The following UBE2O variants were observed in gnomAD, a reference collection of about 807,000 sequenced individuals.
The protein encoded by UBE2O is ubiquitin conjugating enzyme E2 O, also known as (E3-independent) E2 ubiquitin-conjugating enzyme.
A neutral mutation model predicts 125.8 loss-of-function variants in UBE2O; 15 were observed. The observed-to-expected ratio is 0.12, with a 90% CI of 0.08 to 0.18. The LOEUF is 0.18. Ranked by LOEUF, UBE2O falls within the 10% of genes least tolerant of loss-of-function variation. The probability of loss-of-function intolerance (pLI) is 1.00; values close to 1 mark genes in which losing one functional copy is unlikely to be tolerated. For missense variants in UBE2O, 1,280 were observed against 1,723.6 expected (o/e 0.74, Z 4.56); for synonymous variants, 708 against 703.2 (o/e 1.01, Z -0.11).
At chr17:76,408,235 G>A (rs901002286) in intron 1 of UBE2O, among the ~76,000 whole-genome samples, 3 of 152,186 alleles carry the variant, frequency 2.0e-5, no homozygotes, top group Admixed American at 2.0e-4. Context: ...GGAAGGAACC[G>A]ACGTGCTCCT....
intron 1 of UBE2O, among the ~76,000 whole-genome samples, chr17:76,419,862 C>T (rs572445915): frequency 1.2e-4 from 18 of 152,328 alleles, no homozygotes; most frequent in African/African-American, 3.8e-4. Context: ...TCTACCCACG[C>T]GGAAACCTCA....
At chr17:76,433,431 T>G in intron 1 of UBE2O, among the ~76,000 whole-genome samples, 1 of 144,710 alleles carries the variant, frequency 6.9e-6, no homozygotes, top group Non-Finnish European at 1.5e-5. Flanking sequence ...TTGGGAGGGG[T>G]GCAGGGAAAT....
At chr17:76,434,229 T>C (rs901261085) in intron 1 of UBE2O, among the ~76,000 whole-genome samples, 3 of 152,082 alleles carry the variant, frequency 2.0e-5, no homozygotes, top group African/African-American at 7.2e-5. Context: ...TAGACATACA[T>C]GGAAACCCAG....
intron 1 of UBE2O, among the ~76,000 whole-genome samples, chr17:76,441,477 C>T (rs566601959): frequency 8.5e-5 from 13 of 152,228 alleles, no homozygotes; most frequent in South Asian, 8.3e-4. Flanking sequence ...GGACAATTCC[C>T]GGTTCATTAA....
At chr17:76,442,204 G>A (rs748568657) in intron 1 of UBE2O, among the ~76,000 whole-genome samples, 10 of 152,168 alleles carry the variant, frequency 6.6e-5, no homozygotes, top group Non-Finnish European at 1.5e-4. Context: ...AGCCCGCGAC[G>A]GAAGTTGCCA....
chr17:76,398,709 T>C lies in UBE2O; in HGVS notation c.1784-125A>G, dbSNP rs1598584860. 6.9e-7 allele frequency: 1 copy of C among 1,457,934 alleles called. No individual in the cohort carries two copies. Among genetic ancestry groups the C allele is most frequent in the Non-Finnish European group, 9.4e-7 (1 of 1,059,882 alleles). 90.3% of individuals were successfully genotyped at this position (1,457,934 alleles called of 1,614,324 possible). ...TCTTGGAAGTGGTGAGACCCCTTCA[T>C]GAGGGCAGTCCCCTTCTGGACCTCA... On this transcript the variant is annotated intron_variant, in intron 10 of 17. Coordinates refer to ENST00000319380, the MANE Select transcript of UBE2O (RefSeq NM_022066.4). The surrounding 1 kb of genome is among the most constrained non-coding windows in gnomAD (Gnocchi z 5.4).
In UBE2O at chr17:76,400,028, G is replaced by A. The variant is rs759024133; in HGVS notation, c.1156-107C>T. On this transcript the variant is annotated intron_variant, in intron 8 of 17. Coordinates refer to ENST00000319380, the MANE Select transcript of UBE2O (RefSeq NM_022066.4). The surrounding 1 kb of genome is among the most constrained non-coding windows in gnomAD (Gnocchi z 4.3). ...GACAGCTGTATACACCTGAGTAGCC[G>A]GCAAGGGTCATCAGGGCTGCCCCCC... 2.7e-5 allele frequency: 41 copies of A among 1,522,470 alleles called. No homozygotes were observed. Among genetic ancestry groups the A allele is most frequent in the South Asian group, 9.0e-5 (7 of 78,132 alleles). 94.3% of individuals were successfully genotyped at this position (1,522,470 alleles called of 1,614,324 possible).
In UBE2O at chr17:76,444,375, G is replaced by A. The variant is rs372959759; in HGVS notation, c.417+8350C>T. 1.4e-4 allele frequency among the ~76,000 whole-genome samples: 21 copies of A among 152,280 alleles called. No individual in the cohort carries two copies. In the South Asian group the frequency reaches 4.4e-3, roughly 32 times the overall value. On this transcript the variant is annotated intron_variant, in intron 1 of 17. Transcript: ENST00000319380. ...ACCAGCCTGGCCAATACCATGGTGA[G>A]ACCCTGTTTCTACAAAAATATTTTA...
At chr17:76,450,699 G>A (rs1004704839) in intron 1 of UBE2O, among the ~76,000 whole-genome samples, 1 of 151,770 alleles carries the variant, frequency 6.6e-6, no homozygotes, top group African/African-American at 2.4e-5. Flanking sequence ...TCAGCTCACC[G>A]CAACCTCCGC....
At position 76,405,080 on chromosome 17, in the gene UBE2O, G is replaced by T; in HGVS notation, c.588+126C>A. ...GCTACAGGAGCCAGCTGGCTGCTGT[G>T]CTCCGCCTTCTGACCCAGGAAGGCT... On this transcript the variant is annotated intron_variant, in intron 3 of 17. Coordinates refer to ENST00000319380, the MANE Select transcript of UBE2O (RefSeq NM_022066.4). The surrounding 1 kb of genome is among the most constrained non-coding windows in gnomAD (Gnocchi z 6.1). 1 of 669,688 alleles carries T rather than the reference G, an allele frequency of 1.5e-6. No individual in the cohort carries two copies. Among genetic ancestry groups the T allele is most frequent in the Non-Finnish European group, 2.5e-6 (1 of 396,622 alleles). The allele number at this position is 669,688 out of a possible 1,614,324, so 41.5% of individuals were successfully genotyped here.
At position 76,402,563 on chromosome 17, in the gene UBE2O, C is replaced by G. The variant is rs1243472545; in HGVS notation, c.686+39G>C. The stretch of plus-strand genomic sequence containing the variant: ...TCCTCCCCTCTTTCCAAGAGGCTAT[C>G]CTTCCCAAGCCGATGGCTCTCTGGT... On this transcript the variant is annotated intron_variant, in intron 4 of 17. Coordinates refer to ENST00000319380, the MANE Select transcript of UBE2O (RefSeq NM_022066.4). The surrounding 1 kb of genome is among the most constrained non-coding windows in gnomAD (Gnocchi z 5.4). 1.3e-6 allele frequency: 2 copies of G among 1,566,658 alleles called. No homozygotes were observed. The highest frequency in any genetic ancestry group is 1.8e-6 in the Non-Finnish European group (2 of 1,136,860).
rs774475802 is a variant in UBE2O, at chr17:76,452,711, CCCG to C, written c.417+11_417+13del. On this transcript the variant is annotated intron_variant, in intron 1 of 17. Transcript: ENST00000319380. This position sits in a 1 kb window ranked among gnomAD's most constrained non-coding sequence, Gnocchi z 4.4. Reference sequence around the variant, plus strand: ...CCCCTGCCGCCCGCGCCGCCCAGCCCCCGCCCGCCGCACCTTGGTCTCCTTCAC... The same window carrying C: ...CCCCTGCCGCCCGCGCCGCCCAGCCCCCCGCCGCACCTTGGTCTCCTTCAC... 9 of 1,386,808 alleles carry C rather than the reference CCCG, an allele frequency of 6.5e-6. No homozygotes were observed. Among genetic ancestry groups the C allele is most frequent in the Non-Finnish European group, 7.4e-6 (8 of 1,079,714 alleles). The allele number at this position is 1,386,808 out of a possible 1,614,324, so 85.9% of individuals were successfully genotyped here.
rs1439311424 is a variant in UBE2O, at chr17:76,399,701, T to C, written c.1376A>G (p.Gln459Arg). ...GAEEPHEAGEQLPPFLLKEGR... is the reference protein window; with the variant it reads ...GAEEPHEAGERLPPFLLKEGR... ...TTCTTTTAGCAGGAATGGGGGCAGC[T>C]GCTCTCCTGCCTCGTGGGGCTCCTC... is the stretch of plus-strand genomic sequence containing the variant. Residue 459 changes from glutamine (Q) to arginine (R), a missense_variant, in exon 9 of 18, where the codon CAG (glutamine) becomes CGG (arginine). Transcript: ENST00000319380. This position sits in a 1 kb window ranked among gnomAD's most constrained non-coding sequence, Gnocchi z 6.9. The C allele has an allele frequency of 2.5e-6, 4 of 1,614,178 alleles. No homozygotes were observed. Among genetic ancestry groups the C allele is most frequent in the Non-Finnish European group, 3.4e-6 (4 of 1,180,040 alleles).
At chr17:76,416,060 C>T (rs995014349) in intron 1 of UBE2O, among the ~76,000 whole-genome samples, 5 of 150,960 alleles carry the variant, frequency 3.3e-5, no homozygotes, top group South Asian at 2.1e-4. Flanking sequence ...TGTACATACA[C>T]GTATATACGT....
intron 1 of UBE2O, among the ~76,000 whole-genome samples, chr17:76,443,294 T>C (rs987645357): frequency 2.6e-5 from 4 of 151,496 alleles, no homozygotes; most frequent in African/African-American, 9.7e-5. Flanking sequence ...TATATATATA[T>C]ATTTTTTTCC....
intron 1 of UBE2O, among the ~76,000 whole-genome samples, chr17:76,434,308 CCTT>C (rs1464700838): frequency 4.6e-5 from 7 of 152,204 alleles, no homozygotes; most frequent in Admixed American, 3.9e-4. Context: ...GCTGAAAACT[CCTT>C]CTTATTCTGA....
chr17:76,420,415 T>G (rs2072689994), intron 1 of UBE2O, among the ~76,000 whole-genome samples: 2 of 146,296 alleles, frequency 1.4e-5, no homozygotes, highest in African/African-American at 2.8e-5. Context: ...TCGTTTTGTT[T>G]TCCTAATACC....
intron 1 of UBE2O, among the ~76,000 whole-genome samples, chr17:76,432,643 C>T (rs999561699): frequency 6.6e-6 from 1 of 152,258 alleles, no homozygotes; most frequent in South Asian, 2.1e-4. Flanking sequence ...TAGCACAGAT[C>T]CCAATGACAC....
At chr17:76,448,158 C>T (rs2073180491) in intron 1 of UBE2O, among the ~76,000 whole-genome samples, 1 of 152,300 alleles carries the variant, frequency 6.6e-6, no homozygotes, top group Admixed American at 6.5e-5. Context: ...AGCAGCCAGA[C>T]AGAAGCACCA....
Sources: allele counts gnomAD v4.1 joint callset (sites outside exome capture counted in the v4.1 genomes callset), GRCh38; gene constraint gnomAD v4.1.1; non-coding constraint Gnocchi (gnomAD v3.1); transcripts MANE v1.5; gene names NCBI Gene and HGNC (gene_info 2026-07-23, HGNC 2026-07-21).